BNC2: variants seen among roughly 807,000 people sequenced by gnomAD.
The protein encoded by BNC2 is basonuclin zinc finger protein 2.
Under a neutral mutation model 76.3 loss-of-function variants are expected in BNC2, and 20 were observed. The observed-to-expected ratio is 0.26, with a 90% CI of 0.18 to 0.38. The LOEUF is 0.38. BNC2 is among the 10% of genes least tolerant of loss of function. BNC2 has a pLI of 1.00. For synonymous variants in BNC2, 582 were observed against 514.8 expected, an observed-to-expected ratio of 1.13 and a Z score of -1.77; for missense variants, 1,382 against 1,399.8, an observed-to-expected ratio of 0.99 and a Z score of 0.20.
intron 5 of BNC2, among the ~76,000 whole-genome samples, chr9:16,503,968 A>T (rs1038078408): frequency 6.6e-6 from 1 of 152,190 alleles, no homozygotes; most frequent in Non-Finnish European, 1.5e-5. Flanking sequence ...CCTTGTAGTG[A>T]ATCAGAAAAC....
intron 3 of BNC2, among the ~76,000 whole-genome samples, chr9:16,586,685 C>T (rs1014753239): frequency 1.3e-5 from 2 of 152,188 alleles, no homozygotes; most frequent in African/African-American, 2.4e-5. Context: ...GGCAACTTCA[C>T]GCCCTCCTAC....
At chr9:16,445,235 C>A (rs1475358484) in intron 5 of BNC2, among the ~76,000 whole-genome samples, 4 of 152,212 alleles carry the variant, frequency 2.6e-5, no homozygotes, top group African/African-American at 9.6e-5. Context: ...ACATTAAACA[C>A]ATATTTCTTG....
intron 3 of BNC2, among the ~76,000 whole-genome samples, chr9:16,691,010 G>C (rs1196985273): frequency 1.3e-5 from 2 of 152,078 alleles, no homozygotes; most frequent in Non-Finnish European, 1.5e-5. Context: ...AACCTCTGCA[G>C]GTACAATTAC....
chr9:16,757,108 T>C (rs1825408144), intron 1 of BNC2, among the ~76,000 whole-genome samples: 1 of 151,866 alleles, frequency 6.6e-6, no homozygotes, highest in East Asian at 1.9e-4. Flanking sequence ...ATAAGCACCA[T>C]GATGGCAGGG....
chr9:16,585,990 T>G (rs1819758404), intron 3 of BNC2, among the ~76,000 whole-genome samples: 1 of 152,114 alleles, frequency 6.6e-6, no homozygotes, highest in South Asian at 2.1e-4. Flanking sequence ...ATGCAGAGAT[T>G]AGTATTCAGG....
In BNC2 at chr9:16,412,984, T is replaced by C. The variant is rs1820506496; in HGVS notation, c.*6005A>G. ...AGCTGGGCTGAAGCAGAGAGGGTGT[T>C]GTCTGCTGTTAGTGTGACAGTCTTG... is the stretch of plus-strand genomic sequence containing the variant. On this transcript the variant is annotated 3_prime_UTR_variant, in exon 7 of 7. Transcript: ENST00000380672. 6.5e-6 allele frequency: 1 copy of C among 152,678 alleles called. No individual in the cohort carries two copies. The highest frequency in any genetic ancestry group is 2.4e-5 in the African/African-American group (1 of 41,448). The allele number at this position is 152,678 out of a possible 1,614,324, so 9.5% of individuals were successfully genotyped here.
intron 4 of BNC2, among the ~76,000 whole-genome samples, chr9:16,573,253 A>G (rs936856424): frequency 2.0e-5 from 3 of 151,578 alleles, no homozygotes; most frequent in Admixed American, 2.0e-4. Flanking sequence ...AAAGAAAAAG[A>G]AAGAAATATA....
intron 5 of BNC2, among the ~76,000 whole-genome samples, chr9:16,527,735 C>T (rs912773432): frequency 2.0e-5 from 3 of 152,180 alleles, no homozygotes; most frequent in African/African-American, 7.2e-5. Context: ...ACAGCTGTAC[C>T]TACTGCTAAG....
At chr9:16,499,548 G>C (rs1189482723) in intron 5 of BNC2, among the ~76,000 whole-genome samples, 2 of 42,034 alleles carry the variant, frequency 4.8e-5, no homozygotes, top group Non-Finnish European at 1.1e-4. Flanking sequence ...TTTTTTTTTT[G>C]AGACAGAGTC....
chr9:16,535,193 T>C (rs1182542514), intron 5 of BNC2, among the ~76,000 whole-genome samples: 3 of 152,242 alleles, frequency 2.0e-5, no homozygotes, highest in African/African-American at 7.2e-5. Context: ...GTTGCCCATA[T>C]GTTTTTAAAA....
chr9:16,578,884 G>A (rs979408816), intron 4 of BNC2, among the ~76,000 whole-genome samples: 7 of 152,182 alleles, frequency 4.6e-5, no homozygotes, highest in South Asian at 4.1e-4. Context: ...AGTAGTGGCA[G>A]TAAACTGGAG....
At chr9:16,870,032 A>G (rs1042018626) in intron 1 of BNC2, among the ~76,000 whole-genome samples, 3 of 152,048 alleles carry the variant, frequency 2.0e-5, no homozygotes, top group Non-Finnish European at 4.4e-5. Flanking sequence ...TGCGTTCTGC[A>G]CCTTCTCCGT....
intron 5 of BNC2, among the ~76,000 whole-genome samples, chr9:16,513,540 C>T (rs546298623): frequency 2.6e-5 from 4 of 152,172 alleles, no homozygotes; most frequent in African/African-American, 9.6e-5. Context: ...TTCCTGACCT[C>T]GTGATCCTCC....
chr9:16,512,846 TG>T (rs1822790449), intron 5 of BNC2, among the ~76,000 whole-genome samples: 2 of 151,902 alleles, frequency 1.3e-5, no homozygotes, highest in African/African-American at 4.8e-5. Context: ...TAAAAAATAA[TG>T]AGATATGGCT....
At chr9:16,643,590 T>C (rs955214989) in intron 3 of BNC2, among the ~76,000 whole-genome samples, 23 of 152,132 alleles carry the variant, frequency 1.5e-4, no homozygotes, top group Non-Finnish European at 1.0e-4. Flanking sequence ...GCACCATATA[T>C]GATCTTAGGT....
chr9:16,436,154 C>T lies in BNC2; in HGVS notation c.2040G>A (p.Glu680=). The change falls in exon 6 of 7, where the codon GAG becomes GAA. Residue 680 remains glutamate, a synonymous_variant. Transcript: ENST00000380672. ...TCACAGACATGCCTGGGCTCATCTC[C>T]TCTTGGGAGTGACAATGATTGTCAT... ...MSHDNHCHSQ[E]EMSPGMSVKD... is the part of the protein sequence containing the mutation. The T allele has an allele frequency of 6.2e-7, 1 of 1,614,208 alleles. No individual in the cohort carries two copies. Among genetic ancestry groups the T allele is most frequent in the Non-Finnish European group, 8.5e-7 (1 of 1,180,044 alleles).
rs138898040 is a variant in BNC2, at chr9:16,797,987, G to C, written c.4-59502C>G. 7.9e-5 allele frequency among the ~76,000 whole-genome samples: 12 copies of C among 152,282 alleles called. No individual in the cohort carries two copies. The East Asian group carries it at 2.3e-3, about 29-fold the overall frequency. On this transcript the variant is annotated intron_variant, in intron 1 of 6. Coordinates refer to ENST00000380672, the MANE Select transcript of BNC2 (RefSeq NM_017637.6). Reference sequence around the variant, plus strand: ...AAGTTAATGTTTTAGCTCAGTGAAAGTAATTACCAGCTAGGCTCTGCAATC... The same window carrying C: ...AAGTTAATGTTTTAGCTCAGTGAAACTAATTACCAGCTAGGCTCTGCAATC...
chr9:16,451,059 TTAA>T (rs1821329527), intron 5 of BNC2, among the ~76,000 whole-genome samples: 4 of 33,294 alleles, frequency 1.2e-4, no homozygotes, highest in African/African-American at 8.7e-4. Flanking sequence ...TTCTAAATCA[TTAA>T]CTTTATCTTT....
chr9:16,759,793 G>A (rs1183719007), intron 1 of BNC2, among the ~76,000 whole-genome samples: 2 of 150,498 alleles, frequency 1.3e-5, no homozygotes, highest in Non-Finnish European at 2.9e-5. Context: ...GCACCATCCC[G>A]GCTCACTGCC....
Sources: gnomAD v4.1 joint callset for allele counts (sites outside exome capture counted in the v4.1 genomes callset) on GRCh38, gnomAD v4.1.1 for gene constraint, MANE v1.5 for transcripts, NCBI Gene and HGNC (gene_info 2026-07-23, HGNC 2026-07-21) for gene names.